PRELID2: variants seen among roughly 807,000 people sequenced by gnomAD.
PRELID2 encodes PRELI domain containing 2, also known as PRELI domain-containing protein 2.
A neutral mutation model predicts 28.4 loss-of-function variants in PRELID2; 25 were observed. That is an observed-to-expected ratio of 0.88 (90% confidence interval 0.64 to 1.23). The LOEUF is 1.23. Among genes scored for constraint, PRELID2 ranks in the 50% most tolerant of loss-of-function variants. The pLI, the probability that PRELID2 is intolerant of heterozygous loss-of-function variation, is 0.00. For synonymous variants in PRELID2, 76 were observed against 71.6 expected (o/e 1.06, Z -0.31); for missense variants, 201 against 214.4 (o/e 0.94, Z 0.39).
At chr5:145,744,588 C>T (rs1756937016) in intron 1 of PRELID2, among the ~76,000 whole-genome samples, 1 of 152,122 alleles carries the variant, frequency 6.6e-6, no homozygotes, top group African/African-American at 2.4e-5. Context: ...AGTGAACCCC[C>T]AGCAAACCAC....
chr5:145,231,527 G>A, the PRELID2 span, among the ~76,000 whole-genome samples: 1 of 152,190 alleles, frequency 6.6e-6, no homozygotes, highest in Non-Finnish European at 1.5e-5. Flanking sequence ...ATCTGCACTG[G>A]CAATTTCAGG....
chr5:145,318,493 C>T, the PRELID2 span, among the ~76,000 whole-genome samples: 1 of 152,322 alleles, frequency 6.6e-6, no homozygotes, highest in Middle Eastern at 3.4e-3. Context: ...AACATGCCTT[C>T]GTATGCACTC....
chr5:145,721,944 C>A lies in PRELID2; in HGVS notation n.70+42987G>T, dbSNP rs549570839. ...TATGCACCAAATAACAGAGCAACCA[C>A]CTGCATAAAGCAGAAACTGTAGGAG... On this transcript the variant is annotated intron_variant and non_coding_transcript_variant, in intron 1 of 2. Coordinates refer to the PRELID2 transcript ENST00000510259. Among the ~76,000 whole-genome samples the A allele has an allele frequency of 1.5e-3, 234 of 152,068 alleles. 1 individual carries two copies. The highest frequency in any genetic ancestry group is 3.0e-3 in the Non-Finnish European group (201 of 68,008).
the PRELID2 span, among the ~76,000 whole-genome samples, chr5:145,334,234 G>T: frequency 1.3e-4 from 20 of 152,226 alleles, no homozygotes; most frequent in East Asian, 3.9e-3. Context: ...CTTGCCATCT[G>T]CTAAAAAATT....
intron 1 of PRELID2, among the ~76,000 whole-genome samples, chr5:145,725,412 A>G (rs545899541): frequency 6.6e-6 from 1 of 152,360 alleles, no homozygotes; most frequent in South Asian, 2.1e-4. Flanking sequence ...AGAAACCAGT[A>G]TAGCCATTCC....
At chr5:145,387,594 CT>C in the PRELID2 span, among the ~76,000 whole-genome samples, 1 of 152,140 alleles carries the variant, frequency 6.6e-6, no homozygotes, top group African/African-American at 2.4e-5. Context: ...TATGATTGTA[CT>C]TTTTTGACCA....
At chr5:145,413,200 A>G in the PRELID2 span, among the ~76,000 whole-genome samples, 1 of 152,230 alleles carries the variant, frequency 6.6e-6, no homozygotes, top group South Asian at 2.1e-4. Context: ...GACAATTCTC[A>G]AAACAAGATG....
chr5:145,521,119 A>T (rs1247508607), intron 1 of PRELID2, among the ~76,000 whole-genome samples: 1 of 152,176 alleles, frequency 6.6e-6, no homozygotes, highest in Admixed American at 6.5e-5. Flanking sequence ...AAAGATGAGG[A>T]ATGTCAGTTA....
chr5:145,693,619 A>T (rs986876375), intron 1 of PRELID2, among the ~76,000 whole-genome samples: 1 of 152,240 alleles, frequency 6.6e-6, no homozygotes. Flanking sequence ...AAAAAATTTT[A>T]AAAATTAGCC....
the PRELID2 span, among the ~76,000 whole-genome samples, chr5:145,376,632 A>C: frequency 6.6e-6 from 1 of 152,126 alleles, no homozygotes; most frequent in Non-Finnish European, 1.5e-5. Context: ...AGGCTGTATG[A>C]ATCCAGCAAT....
chr5:145,378,199 C>A, the PRELID2 span, among the ~76,000 whole-genome samples: 1 of 152,144 alleles, frequency 6.6e-6, no homozygotes, highest in Non-Finnish European at 1.5e-5. Flanking sequence ...CCTGACCTTT[C>A]TTTCTAGCTG....
At chr5:145,237,868 G>A in the PRELID2 span, among the ~76,000 whole-genome samples, 1 of 152,126 alleles carries the variant, frequency 6.6e-6, no homozygotes, top group East Asian at 1.9e-4. Flanking sequence ...GAAGTGGTCA[G>A]TGTTACTGAT....
chr5:145,573,559 C>T (rs1057260544), intron 1 of PRELID2, among the ~76,000 whole-genome samples: 4 of 152,088 alleles, frequency 2.6e-5, no homozygotes, highest in African/African-American at 9.7e-5. Context: ...TCCATGTGTT[C>T]TCATTGTTCA....
At chr5:145,708,915 G>A (rs986475813) in intron 1 of PRELID2, among the ~76,000 whole-genome samples, 1 of 152,220 alleles carries the variant, frequency 6.6e-6, no homozygotes, top group Non-Finnish European at 1.5e-5. Flanking sequence ...CCCCCAGCAA[G>A]CTGGCATCAA....
chr5:145,337,754 CACACACACAT>C, the PRELID2 span, among the ~76,000 whole-genome samples: 128 of 142,496 alleles, frequency 9.0e-4, no homozygotes, highest in African/African-American at 3.2e-3. Flanking sequence ...CACACACACA[CACACACACAT>C]ACACGTACAT....
intron 1 of PRELID2, among the ~76,000 whole-genome samples, chr5:145,651,814 C>G (rs183260484): frequency 1.3e-5 from 2 of 152,170 alleles, no homozygotes; most frequent in Non-Finnish European, 2.9e-5. Context: ...AAAAACAGAG[C>G]AGAAAAGCTG....
intron 1 of PRELID2, among the ~76,000 whole-genome samples, chr5:145,614,897 G>T (rs1045588410): frequency 6.6e-6 from 1 of 152,124 alleles, no homozygotes; most frequent in Non-Finnish European, 1.5e-5. Flanking sequence ...GGGCAGCCTT[G>T]TCTTGTTCCA....
chr5:145,399,203 G>A, the PRELID2 span, among the ~76,000 whole-genome samples: 1 of 152,132 alleles, frequency 6.6e-6, no homozygotes, highest in African/African-American at 2.4e-5. Context: ...CTAGAGGATA[G>A]TCTGTGGAGC....
chr5:145,664,269 C>T (rs1353181758), intron 1 of PRELID2, among the ~76,000 whole-genome samples: 1 of 152,070 alleles, frequency 6.6e-6, no homozygotes, highest in African/African-American at 2.4e-5. Flanking sequence ...AATTGTTTCT[C>T]TGCTTTAGAT....
Sources: allele counts gnomAD v4.1 joint callset (sites outside exome capture counted in the v4.1 genomes callset), GRCh38; gene constraint gnomAD v4.1.1; transcripts MANE v1.5; gene names NCBI Gene and HGNC (gene_info 2026-07-23, HGNC 2026-07-21).